Variants in SYNE1 observed in about 807,000 individuals in gnomAD.
The protein encoded by SYNE1 is nesprin-1.
A neutral mutation model predicts 1,111.0 loss-of-function variants in SYNE1; 616 were observed. That is an observed-to-expected ratio of 0.55 (90% CI 0.52 to 0.59). SYNE1 has a LOEUF of 0.59. Among genes scored for constraint, SYNE1 ranks in the 20% least tolerant of loss-of-function variants. The pLI is 0.00. For synonymous variants in SYNE1, 3,855 were observed against 3,825.8 expected, an observed-to-expected ratio of 1.01 and a Z score of -0.28; for missense variants, 10,006 against 10,417.0, an observed-to-expected ratio of 0.96 and a Z score of 1.72.
At chr6:152,374,438 G>A (rs2097244797) in intron 58 of SYNE1, among the ~76,000 whole-genome samples, 1 of 152,224 alleles carries the variant, frequency 6.6e-6, no homozygotes. Flanking sequence ...ATGGAGGCAT[G>A]CTGTGGTGGG....
chr6:152,450,889 C>T, intron 26 of SYNE1, 56 bp from the exon 27 acceptor site: 2 of 1,600,358 alleles, frequency 1.2e-6, no homozygotes, highest in Non-Finnish European at 1.7e-6. Context: ...AGTACTTCTA[C>T]ATTTTCACAG....
chr6:152,470,391 G>A (rs962416650), intron 16 of SYNE1, among the ~76,000 whole-genome samples: 2 of 152,220 alleles, frequency 1.3e-5, no homozygotes, highest in Admixed American at 1.3e-4. Context: ...AAATATACAT[G>A]CATATTTGTA....
At chr6:152,533,886 C>T (rs948657253) in intron 4 of SYNE1, among the ~76,000 whole-genome samples, 7 of 152,100 alleles carry the variant, frequency 4.6e-5, no homozygotes, top group Middle Eastern at 3.4e-3. Context: ...TGGTTGGGCA[C>T]GGTGGCTTAC....
In SYNE1 at chr6:152,201,806, C is replaced by T; in HGVS notation, c.23145+18G>A. On this transcript the variant is annotated intron_variant, in intron 127 of 145. Transcript: ENST00000367255. The stretch of plus-strand genomic sequence containing the variant: ...GAGGCACACAGGTGACGGTGAAAAT[C>T]TCAGTTCAGTAATTTACCTTGCAAC... 6.2e-7 allele frequency: 1 copy of T among 1,613,842 alleles called. No individual in the cohort carries two copies. Among genetic ancestry groups the T allele is most frequent in the South Asian group, 1.1e-5 (1 of 91,078 alleles).
Position 152,316,853 on chromosome 6 carries a change from T to C in SYNE1, c.16706A>G (p.His5569Arg). The change falls in exon 87 of 146, where the codon CAT (histidine) becomes CGT (arginine). Residue 5569 changes from histidine to arginine, a missense_variant. This residue lies in a region of SYNE1 where 4,955 missense variants were observed against 5,017.2 expected (regional missense o/e 0.99). Transcript: ENST00000367255. ...ASQLREQYIL[H>R]QTLLEESKEI... The stretch of plus-strand genomic sequence containing the variant: ...GATTATTTTTCCTAAGGTTACCTGA[T>C]GCAAAATATATTGTTCCCGAAGCTG... 1 of 1,614,152 alleles carries C rather than the reference T, an allele frequency of 6.2e-7. No homozygotes were observed. Among genetic ancestry groups the C allele is most frequent in the Non-Finnish European group, 8.5e-7 (1 of 1,180,016 alleles).
intron 63 of SYNE1, among the ~76,000 whole-genome samples, 149 bp downstream of exon 63, chr6:152,364,686 GAGGAAGGAAGGA>G (rs138395598): frequency 1.9e-5 from 2 of 108,012 alleles, no homozygotes; most frequent in Admixed American, 9.8e-5. Flanking sequence ...AAGGAGGAAG[GAGGAAGGAAGGA>G]AGGAAGGAAG....
chr6:152,372,950 C>A, intron 59 of SYNE1, 87 bp downstream of exon 59: 1 of 1,427,576 alleles, frequency 7.0e-7, no homozygotes, highest in Non-Finnish European at 9.9e-7. Context: ...GACAAGGGGG[C>A]TTTGATATAC....
At chr6:152,321,118 A>G in intron 84 of SYNE1, 120 bp downstream of exon 84, 2 of 1,091,180 alleles carry the variant, frequency 1.8e-6, no homozygotes, top group Non-Finnish European at 1.3e-6. Flanking sequence ...TTTTATAGCC[A>G]TCTATTTTTT....
chr6:152,626,027 G>A (rs1329759689), intron 3 of SYNE1, among the ~76,000 whole-genome samples: 1 of 152,110 alleles, frequency 6.6e-6, no homozygotes, highest in Non-Finnish European at 1.5e-5. Flanking sequence ...TTGTGTGATA[G>A]GGTGAGAGGC....
intron 84 of SYNE1, chr6:152,320,333 C>T (rs963731625): frequency 1.3e-5 from 2 of 152,158 alleles, no homozygotes; most frequent in African/African-American, 2.4e-5. Flanking sequence ...ATTTTTAAAA[C>T]ACTTTGCATC....
chr6:152,339,287 G>GA lies in SYNE1; in HGVS notation c.12304_12305insT (p.Ala4102ValfsTer18). ...GTCTTTTGCTGTGGTTTTCACCGAAGCATTTGACAGGTCACACATGGAGCA... is the reference window on the plus strand; with the variant it reads ...GTCTTTTGCTGTGGTTTTCACCGAAGACATTTGACAGGTCACACATGGAGCA... On this transcript the variant is annotated frameshift_variant, in exon 75 of 146. Transcript: ENST00000367255. LOFTEE classifies it high-confidence loss of function. 1 of 1,614,068 alleles carries GA rather than the reference G, an allele frequency of 6.2e-7. No individual in the cohort carries two copies. Among genetic ancestry groups the GA allele is most frequent in the East Asian group, 2.2e-5 (1 of 44,876 alleles).
At chr6:152,577,469 A>C (rs1164263290) in intron 3 of SYNE1, among the ~76,000 whole-genome samples, 1 of 152,084 alleles carries the variant, frequency 6.6e-6, no homozygotes, top group Non-Finnish European at 1.5e-5. Flanking sequence ...CGTCTCTACT[A>C]AAAACACAAA....
chr6:152,387,446 C>G, intron 53 of SYNE1, 65 bp from the exon 54 acceptor site: 2 of 1,539,542 alleles, frequency 1.3e-6, no homozygotes, highest in South Asian at 1.1e-5. Flanking sequence ...AAACCAATCA[C>G]AAAGTCGTGA....
intron 16 of SYNE1, among the ~76,000 whole-genome samples, chr6:152,468,474 C>T (rs2098784673): frequency 6.6e-6 from 1 of 152,062 alleles, no homozygotes; most frequent in African/African-American, 2.4e-5. Flanking sequence ...AACCAATTAC[C>T]TTTTGGTTTG....
At chr6:152,123,874 C>T (rs2052354772) in intron 145 of SYNE1, among the ~76,000 whole-genome samples, 1 of 152,166 alleles carries the variant, frequency 6.6e-6, no homozygotes, top group Non-Finnish European at 1.5e-5. Context: ...ATGTTTGTAG[C>T]TCACCTATTA....
At chr6:152,519,575 G>C (rs1369759044) in intron 6 of SYNE1, among the ~76,000 whole-genome samples, 3 of 152,142 alleles carry the variant, frequency 2.0e-5, no homozygotes, top group Non-Finnish European at 4.4e-5. Flanking sequence ...AAATTGTGGG[G>C]GAGGACATCT....
intron 37 of SYNE1, 44 bp downstream of exon 37, chr6:152,428,161 T>C: frequency 6.2e-7 from 1 of 1,608,416 alleles, no homozygotes. Context: ...AATCCAGAAT[T>C]TCCTATTTAG....
intron 3 of SYNE1, among the ~76,000 whole-genome samples, chr6:152,614,677 T>G (rs1221939250): frequency 1.3e-5 from 2 of 152,186 alleles, no homozygotes; most frequent in East Asian, 3.9e-4. Context: ...TAAGGACACA[T>G]GCACACGTAT....
chr6:152,367,518 C>G, intron 61 of SYNE1, 136 bp from the exon 62 acceptor site: 1 of 950,546 alleles, frequency 1.1e-6, no homozygotes, highest in Non-Finnish European at 1.7e-6. Context: ...TGGCCTAAAT[C>G]TATGAGATAT....
Sources: allele counts gnomAD v4.1 joint callset (sites outside exome capture counted in the v4.1 genomes callset), GRCh38; gene constraint gnomAD v4.1.1; regional missense constraint gnomAD v4.1.1; transcripts MANE v1.5; gene names NCBI Gene and HGNC (gene_info 2026-07-23, HGNC 2026-07-21).